The following SHLD3 variants were observed in gnomAD, a reference collection of about 807,000 sequenced individuals.
SHLD3 encodes the protein shieldin complex subunit 3, also known as REV7-interacting novel NHEJ regulator 1.
Under a neutral mutation model 21.4 loss-of-function variants are expected in SHLD3, and 15 were observed. The observed-to-expected ratio is 0.70, with a 90% CI of 0.47 to 1.08. The LOEUF (loss-of-function observed/expected upper bound fraction) is 1.08, where lower values mean the gene tolerates loss of function less well. Ranked by LOEUF, SHLD3 falls within the 50% of genes least tolerant of loss-of-function variation. The probability of loss-of-function intolerance (pLI) is 0.00; values close to 1 mark genes in which losing one functional copy is unlikely to be tolerated. For synonymous variants in SHLD3, 103 were observed against 97.2 expected, an observed-to-expected ratio of 1.06 and a Z score of -0.35; for missense variants, 273 against 286.1, an observed-to-expected ratio of 0.95 and a Z score of 0.33.
In SHLD3 at chr5:65,630,205, G is replaced by A. The variant is rs1256668116; in HGVS notation, c.618G>A (p.Arg206=). ...ELPSCNATIQ[R]HLGQIWVFCD... is the part of the protein sequence containing the mutation. Reference sequence around the variant, plus strand: ...CATCTTGTAATGCTACAATTCAGAGGCATTTAGGCCAAATATGGGTGTTCT... The same window carrying A: ...CATCTTGTAATGCTACAATTCAGAGACATTTAGGCCAAATATGGGTGTTCT... Residue 206 remains arginine (R), a synonymous_variant, in exon 2 of 2, where the codon AGG becomes AGA. Transcript: ENST00000510585. The A allele has an allele frequency of 1.3e-6, 2 of 1,535,798 alleles. No individual in the cohort carries two copies. Among genetic ancestry groups the A allele is most frequent in the South Asian group, 1.2e-5 (1 of 84,062 alleles).
Position 65,630,572 on chromosome 5 carries a change from A to C in SHLD3, c.*232A>C, listed in dbSNP as rs577667641. 7 of 1,177,054 alleles carry C rather than the reference A, an allele frequency of 5.9e-6. No individual in the cohort carries two copies. Among genetic ancestry groups the C allele is most frequent in the Non-Finnish European group, 7.3e-6 (7 of 952,764 alleles). The allele number at this position is 1,177,054 out of a possible 1,614,324, so 72.9% of individuals were successfully genotyped here. A position where few individuals can be genotyped will look rare whatever the true frequency, so the allele number is the denominator to read the frequency against. ...AAAAATGTTCTGTTCCTTTTGTTAC[A>C]AACTGTGATTGAATTAGTCATGAAT... On this transcript the variant is annotated 3_prime_UTR_variant, in exon 2 of 2. Coordinates refer to ENST00000510585, the MANE Select transcript of SHLD3 (RefSeq NM_001365341.2).
Position 65,630,815 on chromosome 5 carries a change from A to G in SHLD3, c.*475A>G. On this transcript the variant is annotated 3_prime_UTR_variant, in exon 2 of 2. Coordinates refer to ENST00000510585, the MANE Select transcript of SHLD3 (RefSeq NM_001365341.2). ...ATAACAATTGATAGGCTGTTTTCAA[A>G]CAACGATACAAAATGTATACTTTGC... is the stretch of plus-strand genomic sequence containing the variant. 2.7e-6 allele frequency: 1 copy of G among 372,780 alleles called. No individual in the cohort carries two copies. The highest frequency in any genetic ancestry group is 3.7e-6 in the Non-Finnish European group (1 of 269,558). 23.1% of individuals were successfully genotyped at this position (372,780 alleles called of 1,614,324 possible).
chr5:65,630,101 G>C lies in SHLD3; in HGVS notation c.514G>C (p.Glu172Gln). ...HSLYRARWTI[E>Q]HTICNSQTLE... Reference sequence around the variant, plus strand: ...ACTTTATAGAGCAAGATGGACAATAGAACACACTATTTGTAACAGCCAAAC... The same window carrying C: ...ACTTTATAGAGCAAGATGGACAATACAACACACTATTTGTAACAGCCAAAC... Residue 172 changes from glutamate (E) to glutamine (Q), a missense_variant, in exon 2 of 2, where the codon GAA (glutamate) becomes CAA (glutamine). Coordinates refer to ENST00000510585, the MANE Select transcript of SHLD3 (RefSeq NM_001365341.2). The C allele has an allele frequency of 6.5e-7, 1 of 1,536,022 alleles. No homozygotes were observed. The highest frequency in any genetic ancestry group is 8.7e-7 in the Non-Finnish European group (1 of 1,146,868).
Position 65,630,277 on chromosome 5 carries a change from A to G in SHLD3, c.690A>G (p.Arg230=), listed in dbSNP as rs6874425. Residue 230 remains arginine (R), a synonymous_variant, in exon 2 of 2, where the codon AGA becomes AGG. Transcript: ENST00000510585. ...CEYVGSLLKG[R]LALTGKINLF... is the part of the protein sequence containing the mutation. ...ATGTGGGAAGTCTTCTTAAAGGAAG[A>G]TTAGCTCTTACTGGAAAAATTAATT... The G allele has an allele frequency of 0.029, 44,513 of 1,534,482 alleles. 1,232 individuals carry two copies. Among genetic ancestry groups the G allele is most frequent in the African/African-American group, 0.096 (7,029 of 73,096 alleles).
chr5:65,629,496 A>G lies in SHLD3; in HGVS notation c.-92A>G. 7.0e-7 allele frequency: 1 copy of G among 1,435,332 alleles called. No homozygotes were observed. Among genetic ancestry groups the G allele is most frequent in the Non-Finnish European group, 9.1e-7 (1 of 1,099,618 alleles). 88.9% of individuals were successfully genotyped at this position (1,435,332 alleles called of 1,614,324 possible). ...CTGTTTCCCTCTGATTTGGCAAGAG[A>G]GACAATCTTGCAATAATAAATTAAC... On this transcript the variant is annotated 5_prime_UTR_variant, in exon 2 of 2. Coordinates refer to ENST00000510585, the MANE Select transcript of SHLD3 (RefSeq NM_001365341.2).
At chr5:65,629,059 A>G (rs914767814) in intron 1 of SHLD3, among the ~76,000 whole-genome samples, 1 of 152,114 alleles carries the variant, frequency 6.6e-6, no homozygotes, top group African/African-American at 2.4e-5. Flanking sequence ...CATTGTCCTC[A>G]ATTTAGTTGC....
rs1755465379 is a variant in SHLD3, at chr5:65,630,109, T to C, written c.522T>C (p.Thr174=). ...LYRARWTIEH[T]ICNSQTLEDI... ...GAGCAAGATGGACAATAGAACACAC[T>C]ATTTGTAACAGCCAAACTCTGGAAG... The change falls in exon 2 of 2, where the codon ACT becomes ACC. Residue 174 remains threonine, a synonymous_variant. Coordinates refer to ENST00000510585, the MANE Select transcript of SHLD3 (RefSeq NM_001365341.2). 4 of 1,536,068 alleles carry C rather than the reference T, an allele frequency of 2.6e-6. No individual in the cohort carries two copies. The highest frequency in any genetic ancestry group is 3.5e-6 in the Non-Finnish European group (4 of 1,146,868).
chr5:65,625,061 A>G lies in SHLD3; in HGVS notation c.-166A>G, dbSNP rs1755140503. Reference sequence around the variant, plus strand: ...CTGTGGGTCAAAAGTGCCGGTCAAAATGGAAGTGAATCCCCCTAAACAGGA... The same window carrying G: ...CTGTGGGTCAAAAGTGCCGGTCAAAGTGGAAGTGAATCCCCCTAAACAGGA... On this transcript the variant is annotated 5_prime_UTR_variant, in exon 1 of 2. The change abolishes an upstream ATG in the 5' untranslated region. Transcript: ENST00000510585. 3.1e-6 allele frequency: 5 copies of G among 1,613,552 alleles called. No individual in the cohort carries two copies. In the South Asian group the frequency reaches 5.5e-5, roughly 18 times the overall value.
At chr5:65,627,185 T>C (rs1206837826) in intron 1 of SHLD3, among the ~76,000 whole-genome samples, 1 of 142,064 alleles carries the variant, frequency 7.0e-6, no homozygotes, top group East Asian at 2.0e-4. Context: ...AACGGACAAG[T>C]GCTTCAAAAT....
chr5:65,627,016 C>T (rs935809568), intron 1 of SHLD3, among the ~76,000 whole-genome samples: 6 of 150,186 alleles, frequency 4.0e-5, no homozygotes, highest in African/African-American at 1.5e-4. Flanking sequence ...GGTGTAATCC[C>T]AGCTACTCGG....
chr5:65,627,061 G>A (rs1755267731), intron 1 of SHLD3, among the ~76,000 whole-genome samples: 1 of 146,582 alleles, frequency 6.8e-6, no homozygotes, highest in Admixed American at 6.9e-5. Flanking sequence ...GAACCTGGGA[G>A]GCAGAGGCTG....
In SHLD3 at chr5:65,629,710, G is replaced by C. The variant is rs1206923505; in HGVS notation, c.123G>C (p.Trp41Cys). 1 of 1,535,922 alleles carries C rather than the reference G, an allele frequency of 6.5e-7. No homozygotes were observed. The highest frequency in any genetic ancestry group is 2.4e-5 in the East Asian group (1 of 40,910). Reference sequence around the variant, plus strand: ...GTCCGCTATCAAGATTTATACCTTGGTTTCCATATGATGGGTCCAAGCTTC... The same window carrying C: ...GTCCGCTATCAAGATTTATACCTTGCTTTCCATATGATGGGTCCAAGCTTC... ...PTRPLSRFIP[W>C]FPYDGSKLPL... The change falls in exon 2 of 2, where the codon TGG becomes TGC. Residue 41 changes from tryptophan (W) to cysteine (C), a missense_variant. By Grantham distance (215) the Trp-to-Cys change is radical. Coordinates refer to ENST00000510585, the MANE Select transcript of SHLD3 (RefSeq NM_001365341.2).
intron 1 of SHLD3, chr5:65,625,376 C>G (rs2150652804): frequency 2.3e-6 from 1 of 427,986 alleles, no homozygotes; most frequent in East Asian, 3.7e-5. Flanking sequence ...GCTGACGTCC[C>G]GCTCCTACCG....
chr5:65,628,363 A>C (rs1755345014), intron 1 of SHLD3, among the ~76,000 whole-genome samples: 1 of 152,220 alleles, frequency 6.6e-6, no homozygotes, highest in Admixed American at 6.5e-5. Flanking sequence ...CCATATTAGC[A>C]AAGTTAAACC....
Position 65,629,489 on chromosome 5 carries a change from G to A in SHLD3, c.-99G>A. ...TTAGGTCCTGTTTCCCTCTGATTTG[G>A]CAAGAGAGACAATCTTGCAATAATA... On this transcript the variant is annotated 5_prime_UTR_variant, in exon 2 of 2. Transcript: ENST00000510585. The A allele has an allele frequency of 7.0e-7, 1 of 1,431,318 alleles. No homozygotes were observed. Among genetic ancestry groups the A allele is most frequent in the Non-Finnish European group, 9.1e-7 (1 of 1,097,460 alleles). 88.7% of individuals were successfully genotyped at this position (1,431,318 alleles called of 1,614,324 possible). A position where few individuals can be genotyped will look rare whatever the true frequency, so the allele number is the denominator to read the frequency against.
At chr5:65,625,187 A>G in intron 1 of SHLD3, 81 bp downstream of exon 1, 1 of 1,207,154 alleles carries the variant, frequency 8.3e-7, no homozygotes, top group South Asian at 1.2e-5. Flanking sequence ...TGTAGGCCTC[A>G]TCCTTCTTAA....
chr5:65,629,630 G>A lies in SHLD3; in HGVS notation c.43G>A (p.Asp15Asn). Residue 15 changes from aspartate to asparagine, a missense_variant, in exon 2 of 2, where the codon GAT becomes AAT. Coordinates refer to ENST00000510585, the MANE Select transcript of SHLD3 (RefSeq NM_001365341.2). ...VILHYRPCES[D>N]PTQLPKIAEK... ...ATTACATTATCGACCATGTGAGAGT[G>A]ATCCCACACAACTGCCAAAAATTGC... 1.3e-6 allele frequency: 2 copies of A among 1,535,832 alleles called. No homozygotes were observed. The highest frequency in any genetic ancestry group is 1.7e-6 in the Non-Finnish European group (2 of 1,146,790).
intron 1 of SHLD3, chr5:65,625,896 G>C (rs1439242177): frequency 2.6e-5 from 4 of 152,184 alleles, no homozygotes; most frequent in African/African-American, 9.7e-5. Flanking sequence ...AAACATTCGG[G>C]TTCAATTGAA....
At chr5:65,626,464 C>T (rs1463152008) in intron 1 of SHLD3, among the ~76,000 whole-genome samples, 1 of 152,214 alleles carries the variant, frequency 6.6e-6, no homozygotes, top group African/African-American at 2.4e-5. Context: ...TGCAGCCGCG[C>T]GTGGTGGCTC....
Sources: gnomAD v4.1 joint callset for allele counts (sites outside exome capture counted in the v4.1 genomes callset) on GRCh38, gnomAD v4.1.1 for gene constraint, MANE v1.5 for transcripts, NCBI Gene and HGNC (gene_info 2026-07-23, HGNC 2026-07-21) for gene names.